Variants in TRAPPC10 observed in about 807,000 individuals in gnomAD.
The protein encoded by TRAPPC10 is trafficking protein particle complex subunit 10.
Under a neutral mutation model 125.5 loss-of-function variants are expected in TRAPPC10, and 23 were observed. The ratio of observed to expected loss-of-function variants is 0.18; its 90% CI spans 0.13 to 0.26. The LOEUF (loss-of-function observed/expected upper bound fraction) is 0.26, where lower values mean the gene tolerates loss of function less well. TRAPPC10 is among the 10% of genes least tolerant of loss of function. The pLI is 1.00. For missense variants in TRAPPC10, 1,123 were observed against 1,308.4 expected (o/e 0.86, Z 2.19); for synonymous variants, 509 against 518.0 (o/e 0.98, Z 0.24).
At chr21:44,038,047 G>A in intron 3 of TRAPPC10, 120 bp downstream of exon 3, 2 of 1,357,198 alleles carry the variant, frequency 1.5e-6, no homozygotes, top group Non-Finnish European at 2.0e-6. Flanking sequence ...GAGATGCGTG[G>A]AGAGTGCTGT....
rs1297342469 is a variant in TRAPPC10, at chr21:44,082,327, T to C, written c.1724-461T>C. On this transcript the variant is annotated intron_variant, in intron 13 of 22. Coordinates refer to ENST00000291574, the MANE Select transcript of TRAPPC10 (RefSeq NM_003274.5). This position sits in a 1 kb window ranked among gnomAD's most constrained non-coding sequence, Gnocchi z 4.4. Reference sequence around the variant, plus strand: ...GCCTGGGGGCACAGAGGGGTCCTGCTTAATCGGCTGACTTTGTAGACTGGC... The same window carrying C: ...GCCTGGGGGCACAGAGGGGTCCTGCCTAATCGGCTGACTTTGTAGACTGGC... Among the ~76,000 whole-genome samples the C allele has an allele frequency of 6.6e-6, 1 of 152,216 alleles. No homozygotes were observed. The highest frequency in any genetic ancestry group is 6.5e-5 in the Admixed American group (1 of 15,282).
chr21:44,063,436 GT>G lies in TRAPPC10; in HGVS notation c.791-100del. Reference sequence around the variant, plus strand: ...TGGGCCAGTGTTCATAGAAAAACTGGTTATGAAGCTGCCTGTTTGCCCACCA... The same window carrying G: ...TGGGCCAGTGTTCATAGAAAAACTGGTATGAAGCTGCCTGTTTGCCCACCA... On this transcript the variant is annotated intron_variant, in intron 6 of 22. Transcript: ENST00000291574. This position sits in a 1 kb window ranked among gnomAD's most constrained non-coding sequence, Gnocchi z 4.4. 6.6e-7 allele frequency: 1 copy of G among 1,513,838 alleles called. No homozygotes were observed. The allele number at this position is 1,513,838 out of a possible 1,614,324, so 93.8% of individuals were successfully genotyped here. A position where few individuals can be genotyped will look rare whatever the true frequency, so the allele number is the denominator to read the frequency against.
intron 13 of TRAPPC10, 77 bp downstream of exon 13, chr21:44,080,204 A>T (rs781066454): frequency 8.1e-7 from 1 of 1,236,866 alleles, no homozygotes; most frequent in Non-Finnish European, 1.2e-6. Context: ...AGATATACCA[A>T]CCACTTACAG....
Position 44,059,369 on chromosome 21 carries a change from G to T in TRAPPC10, c.790+155G>T. The T allele has an allele frequency of 1.4e-6, 1 of 696,224 alleles. No individual in the cohort carries two copies. The highest frequency in any genetic ancestry group is 2.6e-6 in the Non-Finnish European group (1 of 381,998). The allele number at this position is 696,224 out of a possible 1,614,324, so 43.1% of individuals were successfully genotyped here. On this transcript the variant is annotated intron_variant, in intron 6 of 22. Coordinates refer to ENST00000291574, the MANE Select transcript of TRAPPC10 (RefSeq NM_003274.5). The surrounding 1 kb of genome is among the most constrained non-coding windows in gnomAD (Gnocchi z 4.4). Reference sequence around the variant, plus strand: ...ATCGGATATATTCTCGTGATTCCTAGAGGAAATGAAATGAGAATTAAGAAT... The same window carrying T: ...ATCGGATATATTCTCGTGATTCCTATAGGAAATGAAATGAGAATTAAGAAT...
intron 6 of TRAPPC10, among the ~76,000 whole-genome samples, chr21:44,061,514 G>T (rs796749651): frequency 8.0e-5 from 12 of 150,512 alleles, no homozygotes; most frequent in African/African-American, 2.9e-4. Context: ...TGATTCGCCC[G>T]CCTCAGCCTC....
chr21:44,019,087 C>T (rs1036873495), intron 1 of TRAPPC10, among the ~76,000 whole-genome samples: 1 of 152,048 alleles, frequency 6.6e-6, no homozygotes, highest in African/African-American at 2.4e-5. Context: ...GACATGGTCT[C>T]ACTGTGTCGC....
intron 2 of TRAPPC10, among the ~76,000 whole-genome samples, chr21:44,032,997 C>T (rs918176626): frequency 6.6e-6 from 1 of 152,188 alleles, no homozygotes; most frequent in African/African-American, 2.4e-5. Context: ...CACCGTTGCT[C>T]TGTTGCATGT....
chr21:44,066,515 C>CT (rs947858211), intron 7 of TRAPPC10, among the ~76,000 whole-genome samples: 7 of 151,496 alleles, frequency 4.6e-5, no homozygotes, highest in African/African-American at 7.3e-5. Context: ...AGAGTATTTC[C>CT]TTTTTTTTTC....
rs1892680739 is a variant in TRAPPC10 at position 44,064,699 on chromosome 21, AT to A, written c.1038+919del. Among the ~76,000 whole-genome samples the A allele has an allele frequency of 3.3e-5, 5 of 152,158 alleles. No individual in the cohort carries two copies. The South Asian group carries it at 1.0e-3, about 31-fold the overall frequency. ...ACGGTGTTTCATAATATAGGAACTTATTTTTGTGTGCTTGGTTTAAAATAAT... is the reference window on the plus strand; with the variant it reads ...ACGGTGTTTCATAATATAGGAACTTATTTTGTGTGCTTGGTTTAAAATAAT... On this transcript the variant is annotated intron_variant, in intron 7 of 22. Transcript: ENST00000291574.
intron 3 of TRAPPC10, among the ~76,000 whole-genome samples, chr21:44,045,372 T>C (rs1300119601): frequency 1.3e-5 from 2 of 152,174 alleles, no homozygotes; most frequent in Non-Finnish European, 2.9e-5. Flanking sequence ...ATTGGGAAAG[T>C]CTATTTTGCC....
intron 19 of TRAPPC10, among the ~76,000 whole-genome samples, chr21:44,092,640 A>G (rs2038664674): frequency 0.013 from 1 of 80 alleles, no homozygotes; most frequent in South Asian, 0.25. Flanking sequence ...GCTCTTTCAG[A>G]TATCACTGGG....
chr21:44,037,885 G>T lies in TRAPPC10; in HGVS notation c.243G>T (p.Leu81=). Residue 81 remains leucine (L), a synonymous_variant, in exon 3 of 23, where the codon CTG becomes CTT. Coordinates refer to ENST00000291574, the MANE Select transcript of TRAPPC10 (RefSeq NM_003274.5). ...ELLPKEGNKA[L]LTFPFLHIYW... is the part of the protein sequence containing the mutation. ...TGCCCAAAGAAGGAAACAAAGCTCTGCTCACGTTTCCCTTCCTCCATATTT... is the reference window on the plus strand; with the variant it reads ...TGCCCAAAGAAGGAAACAAAGCTCTTCTCACGTTTCCCTTCCTCCATATTT... 6.2e-7 allele frequency: 1 copy of T among 1,614,092 alleles called. No homozygotes were observed.
At chr21:44,058,591 G>A (rs908877365) in intron 5 of TRAPPC10, among the ~76,000 whole-genome samples, 23 of 152,230 alleles carry the variant, frequency 1.5e-4, no homozygotes, top group Admixed American at 1.2e-3. Context: ...CCACACAAGC[G>A]TGCTGTGCCT....
Position 44,052,619 on chromosome 21 carries a change from C to T in TRAPPC10, c.482+143C>T, listed in dbSNP as rs1412920378. The T allele has an allele frequency of 1.2e-5, 9 of 745,976 alleles. No homozygotes were observed. In the East Asian group the frequency reaches 2.0e-4, roughly 16 times the overall value. 46.2% of individuals were successfully genotyped at this position (745,976 alleles called of 1,614,324 possible). ...CTGTCAAGGAGACCTGGTGCCTGTC[C>T]TTGTGGAGTTCCTGTTTAGGCAGGC... On this transcript the variant is annotated intron_variant, in intron 4 of 22. Coordinates refer to ENST00000291574, the MANE Select transcript of TRAPPC10 (RefSeq NM_003274.5).
In TRAPPC10 at chr21:44,059,566, G is replaced by GT; in HGVS notation, c.790+354dup. The GT allele has an allele frequency of 1.4e-6, 1 of 707,988 alleles. No individual in the cohort carries two copies. The highest frequency in any genetic ancestry group is 1.5e-5 in the South Asian group (1 of 64,932). 43.9% of individuals were successfully genotyped at this position (707,988 alleles called of 1,614,324 possible). A position where few individuals can be genotyped will look rare whatever the true frequency, so the allele number is the denominator to read the frequency against. Reference sequence around the variant, plus strand: ...ACGTCCCTTTGCCTTCCATCCAGGGGTTATCTTTGGAATGCTCGAGTGCTC... The same window carrying GT: ...ACGTCCCTTTGCCTTCCATCCAGGGGTTTATCTTTGGAATGCTCGAGTGCTC... On this transcript the variant is annotated intron_variant, in intron 6 of 22. Coordinates refer to ENST00000291574, the MANE Select transcript of TRAPPC10 (RefSeq NM_003274.5). This position sits in a 1 kb window ranked among gnomAD's most constrained non-coding sequence, Gnocchi z 4.4.
chr21:44,060,962 G>T (rs1004750831), intron 6 of TRAPPC10, among the ~76,000 whole-genome samples: 4 of 135,558 alleles, frequency 3.0e-5, no homozygotes, highest in Non-Finnish European at 6.2e-5. Context: ...TTTTTGAGAC[G>T]GAGTCTTGCT....
chr21:44,071,661 A>G (rs979613865), intron 7 of TRAPPC10, among the ~76,000 whole-genome samples: 2 of 152,220 alleles, frequency 1.3e-5, no homozygotes, highest in African/African-American at 4.8e-5. Context: ...ATGCCACATC[A>G]TATGCCAAAT....
chr21:44,040,433 C>T (rs2034329502), intron 3 of TRAPPC10, among the ~76,000 whole-genome samples: 1 of 152,078 alleles, frequency 6.6e-6, no homozygotes, highest in South Asian at 2.1e-4. Context: ...ACCTCAACCT[C>T]CCGGGCTCAA....
chr21:44,074,302 G>A (rs2277805), intron 7 of TRAPPC10, 22 bp from the exon 8 acceptor site: 313,469 of 1,612,714 alleles, frequency 0.19, 32,380 homozygotes, highest in African/African-American at 0.33. Flanking sequence ...CCCCTCACAC[G>A]TTCGCATTTG....
Sources: allele counts gnomAD v4.1 joint callset (sites outside exome capture counted in the v4.1 genomes callset), GRCh38; gene constraint gnomAD v4.1.1; non-coding constraint Gnocchi (gnomAD v3.1); transcripts MANE v1.5; gene names NCBI Gene and HGNC (gene_info 2026-07-23, HGNC 2026-07-21).